ERBB4: variants seen among roughly 807,000 people sequenced by gnomAD.
The protein encoded by ERBB4 is erb-b2 receptor tyrosine kinase 4.
In ERBB4, 42 loss-of-function variants were observed where a neutral mutation model predicts 158.0. The observed-to-expected ratio is 0.27, with a 90% CI of 0.21 to 0.34. The LOEUF is 0.34. ERBB4 is among the 10% of genes least tolerant of loss of function. The pLI, the probability that ERBB4 is intolerant of heterozygous loss-of-function variation, is 1.00. For missense variants in ERBB4, 1,333 were observed against 1,624.1 expected, an observed-to-expected ratio of 0.82 and a Z score of 3.08; for synonymous variants, 583 against 558.7, an observed-to-expected ratio of 1.04 and a Z score of -0.61.
chr2:211,874,449 C>T (rs927462924), intron 3 of ERBB4, among the ~76,000 whole-genome samples: 16 of 152,052 alleles, frequency 1.1e-4, no homozygotes, highest in African/African-American at 3.6e-4. Context: ...TTCATATTTG[C>T]TTGTGTAATT....
intron 1 of ERBB4, among the ~76,000 whole-genome samples, chr2:212,497,467 ACGT>A (rs938869492): frequency 5.3e-5 from 8 of 152,298 alleles, no homozygotes; most frequent in African/African-American, 1.9e-4. Context: ...GCTGCTGAAG[ACGT>A]GACAGTGCAG....
At chr2:211,874,914 AAT>A (rs916134654) in intron 3 of ERBB4, among the ~76,000 whole-genome samples, 6 of 151,432 alleles carry the variant, frequency 4.0e-5, no homozygotes, top group African/African-American at 1.5e-4. Context: ...TTGCCAAAAT[AAT>A]GTTTTACACA....
chr2:212,207,487 G>GA (rs1393518817), intron 1 of ERBB4, among the ~76,000 whole-genome samples: 1 of 152,124 alleles, frequency 6.6e-6, no homozygotes, highest in Non-Finnish European at 1.5e-5. Flanking sequence ...TATTAAGAGT[G>GA]AACTCAAAGA....
intron 3 of ERBB4, among the ~76,000 whole-genome samples, chr2:211,804,414 T>C (rs985602029): frequency 4.6e-5 from 7 of 152,166 alleles, no homozygotes; most frequent in Non-Finnish European, 1.0e-4. Context: ...GCTTATTTCA[T>C]AATGCTGAAT....
chr2:212,321,861 T>TAG (rs1442554252), intron 1 of ERBB4, among the ~76,000 whole-genome samples: 1 of 150,580 alleles, frequency 6.6e-6, no homozygotes, highest in Non-Finnish European at 1.5e-5. Context: ...CACCAAGACA[T>TAG]ACATTCTTCA....
intron 3 of ERBB4, among the ~76,000 whole-genome samples, chr2:211,933,229 C>T (rs932909428): frequency 1.3e-5 from 2 of 152,016 alleles, no homozygotes; most frequent in African/African-American, 2.4e-5. Flanking sequence ...TTTCTAAGTA[C>T]GTGAAATGAC....
rs531890645 is a variant in ERBB4 at position 211,746,778 on chromosome 2, C to T, written c.622+3861G>A. Among the ~76,000 whole-genome samples the T allele has an allele frequency of 2.7e-5, 4 of 147,438 alleles. No homozygotes were observed. In the East Asian group the frequency reaches 6.1e-4, roughly 23 times the overall value. ...CCGGGAGGCGGAGGTTGCACGGAGC[C>T]GAGATCGCACCACCGCACTCCAGCC... On this transcript the variant is annotated intron_variant, in intron 5 of 27. Coordinates refer to ENST00000342788, the MANE Select transcript of ERBB4 (RefSeq NM_005235.3).
At position 211,450,504 on chromosome 2, in the gene ERBB4, G is replaced by C. The variant is rs2064218012; in HGVS notation, c.2488-19404C>G. Among the ~76,000 whole-genome samples, 7 of 152,280 alleles carry C rather than the reference G, an allele frequency of 4.6e-5. No individual in the cohort carries two copies. The South Asian group carries it at 1.5e-3, about 32-fold the overall frequency. On this transcript the variant is annotated intron_variant, in intron 20 of 27. Transcript: ENST00000342788. Reference sequence around the variant, plus strand: ...GATGATGGCAGCCCGGACCAGGGTGGTGCTAGCAATGGTGGTGGAGATGGA... The same window carrying C: ...GATGATGGCAGCCCGGACCAGGGTGCTGCTAGCAATGGTGGTGGAGATGGA...
At chr2:211,984,535 G>A (rs142829570) in intron 2 of ERBB4, among the ~76,000 whole-genome samples, 174 of 152,130 alleles carry the variant, frequency 1.1e-3, no homozygotes, top group Middle Eastern at 6.8e-3. Flanking sequence ...ACATGTGCCC[G>A]TGTCTTTAAT....
rs796863322 is a variant in ERBB4 at position 212,374,053 on chromosome 2, TATATCC to T, written c.82+164390_82+164395del. 9.0e-5 allele frequency among the ~76,000 whole-genome samples: 9 copies of T among 99,746 alleles called. 1 individual carries two copies. Among genetic ancestry groups the T allele is most frequent in the African/African-American group, 3.2e-5 (1 of 31,514 alleles). The allele number at this position is 99,746 out of a possible 152,430, so 65.4% of individuals were successfully genotyped here. A position where few individuals can be genotyped will look rare whatever the true frequency, so the allele number is the denominator to read the frequency against. ...ATATATCCATATATATCCATATATA[TATATCC>T]ATATATATCCATATATATATCCATA... On this transcript the variant is annotated intron_variant, in intron 1 of 27. Transcript: ENST00000342788.
chr2:212,473,354 C>T (rs1689211045), intron 1 of ERBB4, among the ~76,000 whole-genome samples: 1 of 152,000 alleles, frequency 6.6e-6, no homozygotes, highest in South Asian at 2.1e-4. Flanking sequence ...GAGGTTTCCA[C>T]ACTTGCCATT....
intron 4 of ERBB4, among the ~76,000 whole-genome samples, chr2:211,760,018 A>C (rs1228793229): frequency 6.6e-6 from 1 of 152,190 alleles, no homozygotes; most frequent in Non-Finnish European, 1.5e-5. Context: ...CTTATGAGAT[A>C]TTTTCACTGG....
intron 15 of ERBB4, among the ~76,000 whole-genome samples, chr2:211,660,668 T>A (rs1377425590): frequency 6.6e-6 from 1 of 152,142 alleles, no homozygotes; most frequent in Non-Finnish European, 1.5e-5. Flanking sequence ...ATGAGTATAA[T>A]GATCAATCTT....
rs749531602 is a variant in ERBB4, at chr2:211,905,744, G to GTGTATATA, written c.421+41685_421+41686insTATATACA. 1.8e-4 allele frequency among the ~76,000 whole-genome samples: 22 copies of GTGTATATA among 119,384 alleles called. 1 individual carries two copies. The highest frequency in any genetic ancestry group is 6.6e-4 in the African/African-American group (21 of 31,694). The allele number at this position is 119,384 out of a possible 152,430, so 78.3% of individuals were successfully genotyped here. ...TGTGTGTATGTGTGTGCATGTGTGT[G>GTGTATATA]TATATATATATATATATATACTATT... On this transcript the variant is annotated intron_variant, in intron 3 of 27. Coordinates refer to ENST00000342788, the MANE Select transcript of ERBB4 (RefSeq NM_005235.3).
chr2:211,537,757 G>A (rs2066695243), intron 20 of ERBB4, among the ~76,000 whole-genome samples: 1 of 151,788 alleles, frequency 6.6e-6, no homozygotes, highest in Admixed American at 6.6e-5. Context: ...GCTGAATTGA[G>A]TTAAAGGGCT....
At chr2:212,335,673 TC>T (rs1184672683) in intron 1 of ERBB4, among the ~76,000 whole-genome samples, 1 of 152,036 alleles carries the variant, frequency 6.6e-6, no homozygotes, top group African/African-American at 2.4e-5. Context: ...ATCAGATTTT[TC>T]TTTGGGTTCG....
chr2:212,281,482 C>T (rs551133202), intron 1 of ERBB4, among the ~76,000 whole-genome samples: 3 of 151,776 alleles, frequency 2.0e-5, no homozygotes, highest in East Asian at 1.9e-4. Context: ...TCTGTGAGCT[C>T]GCATTTTTAA....
At chr2:211,485,907 C>T (rs1242953384) in intron 20 of ERBB4, among the ~76,000 whole-genome samples, 1 of 151,690 alleles carries the variant, frequency 6.6e-6, no homozygotes, top group East Asian at 1.9e-4. Context: ...TCGTCAGGGG[C>T]TTGTGGATTG....
intron 1 of ERBB4, among the ~76,000 whole-genome samples, chr2:212,511,142 A>G (rs16848730): frequency 0.023 from 3,478 of 152,254 alleles, 110 homozygotes; most frequent in South Asian, 0.081. Context: ...GAAAAGATTG[A>G]CATAATATAG....
Sources: gnomAD v4.1 joint callset for allele counts (sites outside exome capture counted in the v4.1 genomes callset) on GRCh38, gnomAD v4.1.1 for gene constraint, MANE v1.5 for transcripts, NCBI Gene and HGNC (gene_info 2026-07-23, HGNC 2026-07-21) for gene names.